GCA: variants seen among roughly 807,000 people sequenced by gnomAD.
GCA encodes the protein grancalcin, EF-hand calcium-binding protein.
In GCA, 30 loss-of-function variants were observed where a neutral mutation model predicts 32.6. That is an observed-to-expected ratio of 0.92 (90% CI 0.69 to 1.25). GCA has a LOEUF of 1.25. Among genes scored for constraint, GCA ranks in the 50% most tolerant of loss-of-function variants. GCA has a pLI of 0.00. For missense variants in GCA, 291 were observed against 266.8 expected (o/e 1.09, Z -0.63); for synonymous variants, 102 against 84.6 (o/e 1.21, Z -1.13).
chr2:162,362,717 C>A lies in GCA; in HGVS notation c.*2474C>A. The A allele has an allele frequency of 3.5e-6, 1 of 288,588 alleles. No homozygotes were observed. Among genetic ancestry groups the A allele is most frequent in the Non-Finnish European group, 5.2e-6 (1 of 193,122 alleles). The allele number at this position is 288,588 out of a possible 1,614,324, so 17.9% of individuals were successfully genotyped here. ...GTTCAAATAACAGTGCAGTAATTCA[C>A]CTATATCTAAAAGACTGCCAAATTA... On this transcript the variant is annotated 3_prime_UTR_variant, in exon 8 of 8. Coordinates refer to ENST00000437150, the MANE Select transcript of GCA (RefSeq NM_012198.5).
chr2:162,365,542 T>G (rs895779657), downstream of GCA, among the ~76,000 whole-genome samples: 18 of 151,696 alleles, frequency 1.2e-4, no homozygotes, highest in Non-Finnish European at 2.2e-4. Flanking sequence ...GATTGTTTCA[T>G]TTTGTTTAAA....
downstream of GCA, chr2:162,373,542 G>A: frequency 6.3e-7 from 1 of 1,591,702 alleles, no homozygotes. Flanking sequence ...TCAGCTGGAT[G>A]ATGGGTCTCT....
chr2:162,359,443 T>C (rs1685460679), intron 6 of GCA, 51 bp from the exon 7 acceptor site: 2 of 859,300 alleles, frequency 2.3e-6, no homozygotes, highest in Admixed American at 4.3e-5. Flanking sequence ...ACTAAATATT[T>C]GAAACTATGT....
At chr2:162,334,361 A>G (rs530599142) in intron 1 of GCA, among the ~76,000 whole-genome samples, 1 of 152,284 alleles carries the variant, frequency 6.6e-6, no homozygotes, top group South Asian at 2.1e-4. Context: ...AAAACATGTT[A>G]TAAAGGCAGA....
chr2:162,327,629 G>A (rs1218107883), intron 1 of GCA, among the ~76,000 whole-genome samples: 1 of 152,142 alleles, frequency 6.6e-6, no homozygotes, highest in Non-Finnish European at 1.5e-5. Flanking sequence ...TCAGCCTTTG[G>A]CTGCTGCAGG....
intron 1 of GCA, among the ~76,000 whole-genome samples, chr2:162,319,853 T>G (rs1392384435): frequency 6.6e-6 from 1 of 152,188 alleles, no homozygotes; most frequent in East Asian, 1.9e-4. Flanking sequence ...ATAAAGTCTG[T>G]GTAGGCCAGG....
chr2:162,322,052 A>C (rs1032790459), intron 1 of GCA, among the ~76,000 whole-genome samples: 10 of 150,280 alleles, frequency 6.7e-5, no homozygotes, highest in African/African-American at 2.5e-4. Flanking sequence ...TATTAAAAGG[A>C]TACTGTCGTA....
intron 1 of GCA, among the ~76,000 whole-genome samples, chr2:162,332,079 G>T (rs1175989278): frequency 2.0e-5 from 3 of 151,918 alleles, no homozygotes; most frequent in African/African-American, 7.3e-5. Context: ...GCAGGCCGAG[G>T]CAGGCAGATC....
intron 1 of GCA, among the ~76,000 whole-genome samples, chr2:162,324,080 C>T (rs977347314): frequency 6.6e-6 from 1 of 152,120 alleles, no homozygotes; most frequent in Non-Finnish European, 1.5e-5. Flanking sequence ...GGCTGTGGGG[C>T]TCCGACCCAC....
downstream of GCA, chr2:162,371,907 C>T (rs1300219238): frequency 1.9e-6 from 3 of 1,613,688 alleles, no homozygotes; most frequent in East Asian, 6.7e-5. Context: ...ATGAATCTGG[C>T]AAAGAAGGAT....
chr2:162,331,896 A>G (rs564850400), intron 1 of GCA, among the ~76,000 whole-genome samples: 1 of 152,188 alleles, frequency 6.6e-6, no homozygotes, highest in Non-Finnish European at 1.5e-5. Context: ...AAGTGGACAC[A>G]TATTTTCAGC....
chr2:162,347,470 G>T, intron 1 of GCA, 108 bp from the exon 2 acceptor site: 2 of 601,782 alleles, frequency 3.3e-6, no homozygotes, highest in Non-Finnish European at 2.7e-6. Context: ...ATAAGCTTTT[G>T]GTAACTGTTT....
exon 1 of GCA, chr2:162,319,047 G>A (rs1025842193): frequency 9.4e-6 from 4 of 424,246 alleles, no homozygotes; most frequent in Admixed American, 7.5e-5. Flanking sequence ...AGTTACCCTC[G>A]GCTGGTGAAT....
At chr2:162,324,602 G>C (rs1683808857) in intron 1 of GCA, among the ~76,000 whole-genome samples, 1 of 152,100 alleles carries the variant, frequency 6.6e-6, no homozygotes, top group Non-Finnish European at 1.5e-5. Context: ...ACAGGATGGG[G>C]GCATGGCAGG....
chr2:162,327,460 C>T (rs1683926782), intron 1 of GCA, among the ~76,000 whole-genome samples: 1 of 152,142 alleles, frequency 6.6e-6, no homozygotes, highest in South Asian at 2.1e-4. Context: ...CAAGTGGGCC[C>T]TTTTAATCCT....
upstream of GCA, among the ~76,000 whole-genome samples, chr2:162,342,846 T>A (rs1442300127): frequency 6.6e-6 from 1 of 152,268 alleles, no homozygotes; most frequent in East Asian, 1.9e-4. Flanking sequence ...TAGCGCTTTA[T>A]CATTTGATAC....
Position 162,356,403 on chromosome 2 carries a change from CATACTCTAATTTAAATATTGA to C in GCA, c.263-31_263-11del. The C allele has an allele frequency of 8.1e-7, 1 of 1,240,102 alleles. No individual in the cohort carries two copies. Among genetic ancestry groups the C allele is most frequent in the Non-Finnish European group, 1.2e-6 (1 of 846,926 alleles). The allele number at this position is 1,240,102 out of a possible 1,614,324, so 76.8% of individuals were successfully genotyped here. On this transcript the variant is annotated splice_polypyrimidine_tract_variant and intron_variant, in intron 3 of 7. Coordinates refer to ENST00000437150, the MANE Select transcript of GCA (RefSeq NM_012198.5). Reference sequence around the variant, plus strand: ...ATAATTTTACATAGATAAAGTTGGGCATACTCTAATTTAAATATTGAATATGTTTTACAGCCTTCAGTTTGG... The same window carrying C: ...ATAATTTTACATAGATAAAGTTGGGCATATGTTTTACAGCCTTCAGTTTGG...
At chr2:162,348,859 G>A in intron 2 of GCA, among the ~76,000 whole-genome samples, 1 of 151,960 alleles carries the variant, frequency 6.6e-6, no homozygotes, top group Non-Finnish European at 1.5e-5. Context: ...GTTATTAGTT[G>A]TATTTGACAG....
intron 7 of GCA, among the ~76,000 whole-genome samples, chr2:162,359,963 G>A (rs963355923): frequency 6.6e-5 from 10 of 151,014 alleles, no homozygotes; most frequent in Admixed American, 6.6e-4. Flanking sequence ...CTGATATTCA[G>A]GGTTTTTTAA....
Sources: allele counts gnomAD v4.1 joint callset (sites outside exome capture counted in the v4.1 genomes callset), GRCh38; gene constraint gnomAD v4.1.1; transcripts MANE v1.5; gene names NCBI Gene and HGNC (gene_info 2026-07-23, HGNC 2026-07-21).